B3GALT1: variants seen among roughly 807,000 people sequenced by gnomAD.
The protein encoded by B3GALT1 is UDP-Gal:betaGlcNAc beta 1,3-galactosyltransferase, polypeptide 1.
Under a neutral mutation model 23.2 loss-of-function variants are expected in B3GALT1, and 10 were observed. The ratio of observed to expected loss-of-function variants is 0.43; its 90% confidence interval spans 0.27 to 0.73. B3GALT1 has a LOEUF of 0.73. Among genes scored for constraint, B3GALT1 ranks in the 30% least tolerant of loss-of-function variants. B3GALT1 has a pLI of 0.21. For synonymous variants in B3GALT1, 156 were observed against 141.5 expected, an observed-to-expected ratio of 1.10 and a Z score of -0.73; for missense variants, 299 against 405.4, an observed-to-expected ratio of 0.74 and a Z score of 2.25.
At chr2:167,351,558 T>C (rs932188090) in intron 1 of B3GALT1, among the ~76,000 whole-genome samples, 5 of 152,192 alleles carry the variant, frequency 3.3e-5, no homozygotes, top group Non-Finnish European at 5.9e-5. Flanking sequence ...AGATGTGGTG[T>C]AGCAAAGCAA....
At chr2:167,750,444 C>T (rs763156933) in intron 3 of B3GALT1, among the ~76,000 whole-genome samples, 2 of 152,080 alleles carry the variant, frequency 1.3e-5, no homozygotes, top group Non-Finnish European at 2.9e-5. Flanking sequence ...TTTTTTAAGT[C>T]GTTTCTTCTA....
At chr2:167,631,246 C>T (rs375133796) in intron 2 of B3GALT1, among the ~76,000 whole-genome samples, 1 of 151,834 alleles carries the variant, frequency 6.6e-6, no homozygotes, top group Non-Finnish European at 1.5e-5. Context: ...TGATTCTGTG[C>T]AGAGTGCCTG....
intron 3 of B3GALT1, among the ~76,000 whole-genome samples, chr2:167,692,535 C>G (rs1270402420): frequency 6.6e-6 from 1 of 152,102 alleles, no homozygotes; most frequent in African/African-American, 2.4e-5. Context: ...GAGCTCAGCA[C>G]AATTCCCCCT....
At chr2:167,578,550 C>T (rs1393950387) in intron 2 of B3GALT1, among the ~76,000 whole-genome samples, 1 of 151,612 alleles carries the variant, frequency 6.6e-6, no homozygotes, top group Non-Finnish European at 1.5e-5. Context: ...GGTAGGGGAG[C>T]TCACCTTTGA....
At chr2:167,336,709 G>A (rs983276998) in intron 1 of B3GALT1, among the ~76,000 whole-genome samples, 6 of 151,958 alleles carry the variant, frequency 3.9e-5, no homozygotes, top group East Asian at 1.9e-4. Flanking sequence ...TCTATAAACC[G>A]GAAGATGCAG....
intron 1 of B3GALT1, among the ~76,000 whole-genome samples, chr2:167,336,707 C>A (rs919775896): frequency 3.3e-5 from 5 of 152,066 alleles, no homozygotes; most frequent in Non-Finnish European, 2.9e-5. Flanking sequence ...AGTCTATAAA[C>A]CGGAAGATGC....
At chr2:167,345,889 CAT>C (rs1697216909) in intron 1 of B3GALT1, among the ~76,000 whole-genome samples, 7 of 152,038 alleles carry the variant, frequency 4.6e-5, no homozygotes, top group Admixed American at 4.6e-4. Flanking sequence ...TTGGTCTTCC[CAT>C]ATCATCATCT....
At chr2:167,648,106 A>AT (rs1685780315) in intron 3 of B3GALT1, among the ~76,000 whole-genome samples, 1 of 152,108 alleles carries the variant, frequency 6.6e-6, no homozygotes, top group South Asian at 2.1e-4. Context: ...CAGTGTAATC[A>AT]TCCTAGCCTC....
chr2:167,845,118 A>C (rs1292743976), intron 4 of B3GALT1, among the ~76,000 whole-genome samples: 1 of 152,034 alleles, frequency 6.6e-6, no homozygotes, highest in Non-Finnish European at 1.5e-5. Context: ...GAGTTCAGAC[A>C]CGCCTCCCAC....
chr2:167,398,640 G>A (rs1473007600), intron 1 of B3GALT1, among the ~76,000 whole-genome samples: 2 of 152,104 alleles, frequency 1.3e-5, no homozygotes, highest in Non-Finnish European at 1.5e-5. Context: ...CAGTTCATGA[G>A]AGGAATACCC....
At chr2:167,454,807 C>T (rs1424833693) in intron 1 of B3GALT1, among the ~76,000 whole-genome samples, 1 of 152,106 alleles carries the variant, frequency 6.6e-6, no homozygotes, top group African/African-American at 2.4e-5. Flanking sequence ...AAATCAAGGT[C>T]AATAAATGTG....
intron 2 of B3GALT1, among the ~76,000 whole-genome samples, chr2:167,617,601 G>A (rs545328869): frequency 4.4e-4 from 67 of 152,130 alleles, no homozygotes; most frequent in Middle Eastern, 3.4e-3. Context: ...AAAAACCTTT[G>A]TAAAACTTTT....
At position 167,379,715 on chromosome 2, in the gene B3GALT1, A is replaced by C. The variant is rs369179816; in HGVS notation, c.-511+86381A>C. 3.9e-5 allele frequency among the ~76,000 whole-genome samples: 6 copies of C among 152,330 alleles called. No homozygotes were observed. The East Asian group carries it at 7.7e-4, about 20-fold the overall frequency. ...TGGTCTGAGCTCCCTGCTCAGTCCCAAGACACTGGAGGCCACAAAGGGCAG... is the reference window on the plus strand; with the variant it reads ...TGGTCTGAGCTCCCTGCTCAGTCCCCAGACACTGGAGGCCACAAAGGGCAG... On this transcript the variant is annotated intron_variant, in intron 1 of 4. Transcript: ENST00000392690.
intron 4 of B3GALT1, among the ~76,000 whole-genome samples, chr2:167,854,671 C>T (rs1212491991): frequency 1.3e-5 from 2 of 152,148 alleles, no homozygotes; most frequent in East Asian, 1.9e-4. Flanking sequence ...TTACTTTTAT[C>T]CTAGTTGTAA....
chr2:167,857,303 G>C (rs1452361529), intron 4 of B3GALT1, among the ~76,000 whole-genome samples: 1 of 151,916 alleles, frequency 6.6e-6, no homozygotes, highest in Non-Finnish European at 1.5e-5. Context: ...CAAAGGCCTT[G>C]GGAGAGATTA....
Position 167,869,656 on chromosome 2 carries a change from A to G in B3GALT1, c.617A>G (p.Tyr206Cys). 1.2e-6 allele frequency: 2 copies of G among 1,614,194 alleles called. No homozygotes were observed. The highest frequency in any genetic ancestry group is 1.7e-5 in the Admixed American group (1 of 60,014). The change falls in exon 5 of 5, where the codon TAT (tyrosine) becomes TGT (cysteine). Residue 206 changes from tyrosine (Y) to cysteine (C), a missense_variant. Around this residue, in one of 3 missense-constraint regions of B3GALT1, gnomAD observed 133 missense variants for 204.8 expected, o/e 0.65. Transcript: ENST00000392690. This position sits in a 1 kb window ranked among gnomAD's most constrained non-coding sequence, Gnocchi z 6.4. ...CCACGAAGAAGGTATTTTACTGGCT[A>G]TGTCATTAATGGAGGACCGATTCGG... ...TKPRRRYFTG[Y>C]VINGGPIRDV...
At chr2:167,429,050 C>T (rs557087976) in intron 1 of B3GALT1, among the ~76,000 whole-genome samples, 132 of 152,176 alleles carry the variant, frequency 8.7e-4, no homozygotes, top group African/African-American at 3.1e-3. Context: ...GAGGCTGAGG[C>T]AGGCGGATCA....
intron 1 of B3GALT1, among the ~76,000 whole-genome samples, chr2:167,471,833 C>CT (rs920051987): frequency 6.6e-5 from 10 of 152,028 alleles, no homozygotes; most frequent in African/African-American, 2.4e-4. Context: ...TATGGCTGGG[C>CT]TTTTTTTAGT....
At position 167,359,670 on chromosome 2, in the gene B3GALT1, C is replaced by T. The variant is rs370704712; in HGVS notation, c.-511+66336C>T. On this transcript the variant is annotated intron_variant, in intron 1 of 4. Transcript: ENST00000392690. Reference sequence around the variant, plus strand: ...AATACTTAGCACCTTTTTCTTTTGTCCATTCAAGAATGCCATCTTCACAAC... The same window carrying T: ...AATACTTAGCACCTTTTTCTTTTGTTCATTCAAGAATGCCATCTTCACAAC... 5.3e-5 allele frequency among the ~76,000 whole-genome samples: 8 copies of T among 152,216 alleles called. No homozygotes were observed. The East Asian group carries it at 1.5e-3, about 29-fold the overall frequency.
Sources: allele counts gnomAD v4.1 joint callset (sites outside exome capture counted in the v4.1 genomes callset), GRCh38; gene constraint gnomAD v4.1.1; regional missense constraint gnomAD v4.1.1; non-coding constraint Gnocchi (gnomAD v3.1); transcripts MANE v1.5; gene names NCBI Gene and HGNC (gene_info 2026-07-23, HGNC 2026-07-21).